The following NCOA6 variants were observed in gnomAD, a reference collection of about 807,000 sequenced individuals.
The protein encoded by NCOA6 is NRC RAP250.
Under a neutral mutation model 171.4 loss-of-function variants are expected in NCOA6, and 49 were observed. The ratio of observed to expected loss-of-function variants is 0.29; its 90% CI spans 0.23 to 0.36. The LOEUF (loss-of-function observed/expected upper bound fraction) is 0.36, where lower values mean the gene tolerates loss of function less well. Among genes scored for constraint, NCOA6 ranks in the 10% least tolerant of loss-of-function variants. NCOA6 has a pLI of 1.00. For synonymous variants in NCOA6, 910 were observed against 927.5 expected (o/e 0.98, Z 0.34); for missense variants, 2,248 against 2,554.5 (o/e 0.88, Z 2.59).
At chr20:34,789,086 C>G (rs990521876) in intron 2 of NCOA6, among the ~76,000 whole-genome samples, 4 of 152,138 alleles carry the variant, frequency 2.6e-5, no homozygotes, top group African/African-American at 9.7e-5. Context: ...CTATAGGTTA[C>G]GTGGAAGCCT....
intron 6 of NCOA6, 55 bp from the exon 7 acceptor site, chr20:34,758,159 G>A (rs2076707594): frequency 3.2e-6 from 5 of 1,542,664 alleles, no homozygotes; most frequent in Non-Finnish European, 4.4e-6. Flanking sequence ...CTAGATCTTA[G>A]AGAAGTGGCC....
chr20:34,756,016 C>T (rs1398163562), intron 7 of NCOA6, among the ~76,000 whole-genome samples: 4 of 152,182 alleles, frequency 2.6e-5, no homozygotes, highest in African/African-American at 9.7e-5. Flanking sequence ...GGATTACAGG[C>T]GTGAGCCACT....
In NCOA6 at chr20:34,742,185, G is replaced by C. The variant is rs1416072467; in HGVS notation, c.4071C>G (p.Ala1357=). The change falls in exon 11 of 15, where the codon GCC becomes GCG. Residue 1357 remains alanine (A), a synonymous_variant. Transcript: ENST00000359003. ...GCAATAGGGCTGCATTTGTCTGAGA[G>C]GCCAGAGTAAGTTTAGGGGCTTTTG... The part of the protein sequence containing the change: ...QNSKAPKLTL[A]SQTNAALLQN... 4.3e-6 allele frequency: 7 copies of C among 1,614,242 alleles called. No individual in the cohort carries two copies. Among genetic ancestry groups the C allele is most frequent in the Non-Finnish European group, 5.9e-6 (7 of 1,180,044 alleles).
In NCOA6 at chr20:34,742,537, G is replaced by A. The variant is rs1158174142; in HGVS notation, c.3719C>T (p.Ser1240Leu). ...TATGGAGGCATTGAGTCTTTCTGGT[G>A]ACAGACTGATTTCTGAAGGTTCTGT... Reference protein sequence around the residue: ...PSTEPSEISLSPERLNASIAG... With the variant: ...PSTEPSEISLLPERLNASIAG... The change falls in exon 11 of 15, where the codon TCA becomes TTA. Residue 1240 changes from serine to leucine, a missense_variant. Around this residue, in one of 7 missense-constraint regions of NCOA6, gnomAD observed 4 missense variants for 28.6 expected, o/e 0.14. Coordinates refer to ENST00000359003, the MANE Select transcript of NCOA6 (RefSeq NM_014071.5). 1 of 1,614,088 alleles carries A rather than the reference G, an allele frequency of 6.2e-7. No individual in the cohort carries two copies. Among genetic ancestry groups the A allele is most frequent in the Non-Finnish European group, 8.5e-7 (1 of 1,180,052 alleles).
At chr20:34,824,503 G>A (rs2079095257) in intron 1 of NCOA6, among the ~76,000 whole-genome samples, 1 of 152,146 alleles carries the variant, frequency 6.6e-6, no homozygotes, top group Admixed American at 6.5e-5. Context: ...AGGTGACTCT[G>A]CTCTTAAGCT....
chr20:34,824,398 T>C (rs1568913770), intron 1 of NCOA6, among the ~76,000 whole-genome samples: 1 of 152,212 alleles, frequency 6.6e-6, no homozygotes. Context: ...TGATTTGAAA[T>C]CTTTACTTGA....
chr20:34,781,319 A>T (rs1272197858), intron 3 of NCOA6, among the ~76,000 whole-genome samples: 1 of 152,230 alleles, frequency 6.6e-6, no homozygotes, highest in Non-Finnish European at 1.5e-5. Flanking sequence ...GCTTTTCACT[A>T]TGTCCGAAGG....
intron 1 of NCOA6, among the ~76,000 whole-genome samples, chr20:34,807,537 A>AT (rs1367399420): frequency 6.6e-6 from 1 of 151,930 alleles, no homozygotes; most frequent in Non-Finnish European, 1.5e-5. Context: ...TTCCTTTTTT[A>AT]TTTTTTGAGA....
intron 1 of NCOA6, among the ~76,000 whole-genome samples, chr20:34,814,503 TA>T (rs1338117140): frequency 6.6e-6 from 1 of 152,146 alleles, no homozygotes; most frequent in East Asian, 1.9e-4. Flanking sequence ...GAAAAAAGAC[TA>T]AAAAAACCTT....
intron 1 of NCOA6, among the ~76,000 whole-genome samples, chr20:34,798,700 T>C (rs111868913): frequency 6.6e-6 from 1 of 152,198 alleles, no homozygotes; most frequent in African/African-American, 2.4e-5. Context: ...CAGAGAATTA[T>C]TCTGGATTTT....
At position 34,757,450 on chromosome 20, in the gene NCOA6, G is replaced by C; in HGVS notation, c.1298C>G (p.Ser433Cys). Residue 433 changes from serine to cysteine, a missense_variant, in exon 7 of 15, where the codon TCC (serine) becomes TGC (cysteine). By Grantham distance (112) the Ser-to-Cys change is moderately radical. Around this residue, in one of 7 missense-constraint regions of NCOA6, gnomAD observed 987 missense variants for 1,104.7 expected, o/e 0.89. Transcript: ENST00000359003. Reference protein sequence around the residue: ...LTNKSPASSPSSFQQGSPASS... With the variant: ...LTNKSPASSPCSFQQGSPASS... ...TGCAGGGGATCCCTGCTGGAAGGAGGAGGGTGAGGAGGCAGGAGACTTGTT... is the reference window on the plus strand; with the variant it reads ...TGCAGGGGATCCCTGCTGGAAGGAGCAGGGTGAGGAGGCAGGAGACTTGTT... The C allele has an allele frequency of 6.2e-7, 1 of 1,613,854 alleles. No homozygotes were observed. The highest frequency in any genetic ancestry group is 1.1e-5 in the South Asian group (1 of 91,062).
chr20:34,782,208 C>G lies in NCOA6; in HGVS notation c.148G>C (p.Val50Leu). 1 of 1,612,616 alleles carries G rather than the reference C, an allele frequency of 6.2e-7. No individual in the cohort carries two copies. The highest frequency in any genetic ancestry group is 8.5e-7 in the Non-Finnish European group (1 of 1,179,312). ...DSILEDSTIFVAFKGNIDDKD... is the reference protein window; with the variant it reads ...DSILEDSTIFLAFKGNIDDKD... ...TCATCTATATTTCCTTTGAAGGCCA[C>G]AAAAATTGTGGAATCCTCCAAAATA... Residue 50 changes from valine (V) to leucine (L), a missense_variant, in exon 3 of 15, where the codon GTG (valine) becomes CTG (leucine). Around this residue, in one of 7 missense-constraint regions of NCOA6, gnomAD observed 987 missense variants for 1,104.7 expected, o/e 0.89. Coordinates refer to ENST00000359003, the MANE Select transcript of NCOA6 (RefSeq NM_014071.5).
intron 4 of NCOA6, among the ~76,000 whole-genome samples, chr20:34,770,786 C>T (rs189916952): frequency 2.2e-4 from 33 of 152,072 alleles, no homozygotes; most frequent in African/African-American, 6.3e-4. Flanking sequence ...CTTGCCACCA[C>T]GCCCGGCTAA....
chr20:34,803,974 AC>A (rs1275748594), intron 1 of NCOA6, among the ~76,000 whole-genome samples: 1 of 144,332 alleles, frequency 6.9e-6, no homozygotes, highest in African/African-American at 2.6e-5. Flanking sequence ...AGGGAGAAAC[AC>A]CGTTTAAAAA....
At chr20:34,758,973 A>G in intron 5 of NCOA6, 40 bp from the exon 6 acceptor site, 1 of 1,593,982 alleles carries the variant, frequency 6.3e-7, no homozygotes, top group Middle Eastern at 1.8e-4. Flanking sequence ...TGGAATTGGC[A>G]CAATTTTTGT....
At chr20:34,807,269 T>C (rs2078484659) in intron 1 of NCOA6, among the ~76,000 whole-genome samples, 1 of 152,132 alleles carries the variant, frequency 6.6e-6, no homozygotes, top group Admixed American at 6.5e-5. Context: ...ACCAACCAAG[T>C]TAGTTTGGAA....
At chr20:34,743,986 G>A (rs2076229781) in intron 10 of NCOA6, among the ~76,000 whole-genome samples, 1 of 152,166 alleles carries the variant, frequency 6.6e-6, no homozygotes, top group Non-Finnish European at 1.5e-5. Flanking sequence ...AATCCTTTGG[G>A]GGAAACCGAC....
At chr20:34,740,263 A>G in intron 11 of NCOA6, 100 bp downstream of exon 11, 3 of 1,438,268 alleles carry the variant, frequency 2.1e-6, no homozygotes, top group Non-Finnish European at 2.8e-6. Flanking sequence ...CATTTAGCCC[A>G]TTCTCTTTCC....
intron 14 of NCOA6, 51 bp downstream of exon 14, chr20:34,727,208 A>G (rs1990063291): frequency 1.3e-6 from 2 of 1,587,612 alleles, no homozygotes; most frequent in Non-Finnish European, 1.7e-6. Context: ...TGTGGTAAGA[A>G]CTCTATTCCT....
Sources: gnomAD v4.1 joint callset for allele counts (sites outside exome capture counted in the v4.1 genomes callset) on GRCh38, gnomAD v4.1.1 for gene constraint, gnomAD v4.1.1 regional missense constraint, MANE v1.5 for transcripts, NCBI Gene and HGNC (gene_info 2026-07-23, HGNC 2026-07-21) for gene names.